NPHP1: variants seen among roughly 807,000 people sequenced by gnomAD.
NPHP1 encodes nephrocystin 1, also known as nephrocystin-1.
NPHP1 carries 70 observed loss-of-function variants against 90.4 expected under a neutral mutation model. The observed-to-expected ratio is 0.77, with a 90% CI of 0.64 to 0.95. The LOEUF is 0.95. Ranked by LOEUF, NPHP1 falls within the 40% of genes least tolerant of loss-of-function variation. NPHP1 has a pLI of 0.00. For synonymous variants in NPHP1, 256 were observed against 271.7 expected, an observed-to-expected ratio of 0.94 and a Z score of 0.57; for missense variants, 764 against 795.9, an observed-to-expected ratio of 0.96 and a Z score of 0.48.
At chr2:110,199,218 A>C (rs1559109677) in intron 2 of NPHP1, among the ~76,000 whole-genome samples, 1 of 152,050 alleles carries the variant, frequency 6.6e-6, no homozygotes. Context: ...GGATCACCTG[A>C]AGTCGGGAGT....
intron 19 of NPHP1, 26 bp from the exon 20 acceptor site, chr2:110,124,089 A>G (rs559180586): frequency 6.2e-7 from 1 of 1,613,062 alleles, no homozygotes; most frequent in East Asian, 2.2e-5. Context: ...CCCCACAAAT[A>G]ACATTGTTAT....
rs186489106 is a variant in NPHP1, at chr2:110,198,652, A to G, written c.143+2769T>C. 6.9e-3 allele frequency among the ~76,000 whole-genome samples: 1,050 copies of G among 152,248 alleles called. 7 individuals are homozygous for G. The highest frequency in any genetic ancestry group is 8.5e-3 in the Non-Finnish European group (578 of 68,008). ...CTGAAGAGAATCATGACTGCTAAAG[A>G]AGTTTCCCATACACCAGGGTTAGAG... On this transcript the variant is annotated intron_variant, in intron 2 of 19. Transcript: ENST00000445609.
At chr2:110,160,316 T>G in intron 10 of NPHP1, 61 bp from the exon 11 acceptor site, 1 of 1,379,978 alleles carries the variant, frequency 7.2e-7, no homozygotes, top group Non-Finnish European at 1.0e-6. Flanking sequence ...AAATCTGTCT[T>G]TTGTGAATTC....
At chr2:110,193,385 C>T (rs922278157) in intron 2 of NPHP1, among the ~76,000 whole-genome samples, 1 of 150,952 alleles carries the variant, frequency 6.6e-6, no homozygotes, top group Non-Finnish European at 1.5e-5. Context: ...GACTTTAAAC[C>T]AACAAAGATC....
intron 16 of NPHP1, among the ~76,000 whole-genome samples, chr2:110,134,930 G>A (rs1428441956): frequency 6.6e-6 from 1 of 151,970 alleles, no homozygotes; most frequent in Non-Finnish European, 1.5e-5. Context: ...ACAAGACAAG[G>A]ATCCTGCTCC....
chr2:110,163,006 TG>T, intron 9 of NPHP1, 41 bp downstream of exon 9: 1 of 1,356,676 alleles, frequency 7.4e-7, no homozygotes, highest in Non-Finnish European at 1.1e-6. Context: ...GGATCTTGAC[TG>T]CTTTGCTGAA....
At chr2:110,197,835 G>C (rs1359368729) in intron 2 of NPHP1, among the ~76,000 whole-genome samples, 1 of 152,090 alleles carries the variant, frequency 6.6e-6, no homozygotes, top group African/African-American at 2.4e-5. Flanking sequence ...CTGAAACTTA[G>C]ACTCAGAAAT....
intron 2 of NPHP1, among the ~76,000 whole-genome samples, chr2:110,194,221 G>T (rs1403931599): frequency 6.6e-6 from 1 of 151,950 alleles, no homozygotes; most frequent in African/African-American, 2.4e-5. Context: ...TCCAGGAGCT[G>T]GTTTTTTGAA....
At chr2:110,182,131 T>G (rs550020456) in intron 2 of NPHP1, among the ~76,000 whole-genome samples, 7 of 152,144 alleles carry the variant, frequency 4.6e-5, no homozygotes, top group Non-Finnish European at 1.0e-4. Flanking sequence ...AAATATGGGA[T>G]TATGTATACA....
intron 2 of NPHP1, among the ~76,000 whole-genome samples, chr2:110,199,291 G>T (rs1235541676): frequency 4.6e-5 from 7 of 151,810 alleles, no homozygotes. Flanking sequence ...AAAATTAGCC[G>T]AGTGTGATGG....
At chr2:110,179,767 G>C (rs2104616896) in intron 2 of NPHP1, 83 bp from the exon 3 acceptor site, 1 of 681,474 alleles carries the variant, frequency 1.5e-6, no homozygotes, top group Admixed American at 2.3e-5. Flanking sequence ...TTCAGTCGTT[G>C]AGCAGGCAAG....
chr2:110,123,685 C>A lies in NPHP1; in HGVS notation c.*106G>T. On this transcript the variant is annotated 3_prime_UTR_variant, in exon 20 of 20. Coordinates refer to ENST00000445609, the MANE Select transcript of NPHP1 (RefSeq NM_001128178.3). The stretch of plus-strand genomic sequence containing the variant: ...GGTCTGTAGAAAGAAAAGAGTAAAA[C>A]CTAAGTTGTAAAGTGACAGTGATTT... The A allele has an allele frequency of 8.9e-7, 1 of 1,125,610 alleles. No homozygotes were observed. Among genetic ancestry groups the A allele is most frequent in the Non-Finnish European group, 1.3e-6 (1 of 750,696 alleles). The allele number at this position is 1,125,610 out of a possible 1,614,324, so 69.7% of individuals were successfully genotyped here.
At chr2:110,125,498 AG>A (rs1161941625) in intron 19 of NPHP1, 138 bp downstream of exon 19, 1 of 1,141,696 alleles carries the variant, frequency 8.8e-7, no homozygotes, top group Admixed American at 1.7e-5. Flanking sequence ...GTGTTTTTGC[AG>A]CCATAATGAA....
intron 6 of NPHP1, among the ~76,000 whole-genome samples, chr2:110,167,999 T>A (rs1433587540): frequency 3.9e-5 from 6 of 152,166 alleles, no homozygotes; most frequent in Admixed American, 2.0e-4. Flanking sequence ...TACTGGACAG[T>A]GCTGATCCAG....
chr2:110,164,859 A>T (rs1682606689), intron 7 of NPHP1, 129 bp from the exon 8 acceptor site: 3 of 952,878 alleles, frequency 3.1e-6, no homozygotes, highest in Non-Finnish European at 5.1e-6. Context: ...GATGAAAACG[A>T]GGTAGAGCTA....
At chr2:110,155,174 T>C (rs1681796834) in intron 11 of NPHP1, among the ~76,000 whole-genome samples, 2 of 152,160 alleles carry the variant, frequency 1.3e-5, no homozygotes, top group Admixed American at 6.5e-5. Flanking sequence ...GCCCAAACTC[T>C]TGGCAGCTTC....
chr2:110,147,037 T>C (rs1310377704), intron 13 of NPHP1, among the ~76,000 whole-genome samples: 2 of 152,178 alleles, frequency 1.3e-5, no homozygotes, highest in East Asian at 1.9e-4. Context: ...GTGATAATCA[T>C]ATTTTGTCAA....
intron 4 of NPHP1, among the ~76,000 whole-genome samples, chr2:110,170,743 T>C (rs1574141628): frequency 1.3e-5 from 2 of 152,006 alleles, no homozygotes; most frequent in African/African-American, 2.4e-5. Context: ...CTAACCCAGG[T>C]TGCACGAATG....
intron 2 of NPHP1, among the ~76,000 whole-genome samples, chr2:110,187,372 G>A (rs1684364998): frequency 6.6e-6 from 1 of 152,116 alleles, no homozygotes; most frequent in Non-Finnish European, 1.5e-5. Context: ...ACAATCAGCA[G>A]AGAATACTAT....
Sources: gnomAD v4.1 joint callset for allele counts (sites outside exome capture counted in the v4.1 genomes callset) on GRCh38, gnomAD v4.1.1 for gene constraint, MANE v1.5 for transcripts, NCBI Gene and HGNC (gene_info 2026-07-23, HGNC 2026-07-21) for gene names.